Variants in CPS1 observed in about 807,000 individuals in gnomAD.
The protein encoded by CPS1 is carbamoyl-phosphate synthase 1.
Under a neutral mutation model 174.6 loss-of-function variants are expected in CPS1, and 109 were observed. The ratio of observed to expected loss-of-function variants is 0.62; its 90% confidence interval spans 0.53 to 0.73. CPS1 has a LOEUF of 0.73. Ranked by LOEUF, CPS1 falls within the 30% of genes least tolerant of loss-of-function variation. The pLI is 0.00. For missense variants in CPS1, 1,689 were observed against 1,821.9 expected, an observed-to-expected ratio of 0.93 and a Z score of 1.33; for synonymous variants, 637 against 632.0, an observed-to-expected ratio of 1.01 and a Z score of -0.12.
At chr2:210,560,252 G>T (rs946619434) in intron 1 of CPS1, among the ~76,000 whole-genome samples, 1 of 151,572 alleles carries the variant, frequency 6.6e-6, no homozygotes, top group East Asian at 1.9e-4. Context: ...TAATAAACAC[G>T]GAACCTCTAC....
At chr2:210,604,084 A>G in intron 16 of CPS1, among the ~76,000 whole-genome samples, 1 of 151,830 alleles carries the variant, frequency 6.6e-6, no homozygotes, top group East Asian at 1.9e-4. Flanking sequence ...TGATGAATTA[A>G]TCATTATTAA....
At chr2:210,555,102 A>G (rs1254212282), upstream of CPS1, among the ~76,000 whole-genome samples, 1 of 152,072 alleles carries the variant, frequency 6.6e-6, no homozygotes, top group African/African-American at 2.4e-5. Context: ...TTTAAGGCAT[A>G]CTAAGTCTCC....
Position 210,642,475 on chromosome 2 carries a change from T to G in CPS1, c.2960-9T>G. 1 of 1,613,922 alleles carries G rather than the reference T, an allele frequency of 6.2e-7. No individual in the cohort carries two copies. Among genetic ancestry groups the G allele is most frequent in the South Asian group, 1.1e-5 (1 of 91,080 alleles). On this transcript the variant is annotated splice_polypyrimidine_tract_variant and intron_variant, in intron 24 of 37. Transcript: ENST00000233072. Reference sequence around the variant, plus strand: ...CTTATCCCTTTTGCCAATCTCATTGTCTCTGCAGGCAGCAGTGTGGAATTT... The same window carrying G: ...CTTATCCCTTTTGCCAATCTCATTGGCTCTGCAGGCAGCAGTGTGGAATTT...
At chr2:210,639,608 G>A (rs539601366) in intron 23 of CPS1, among the ~76,000 whole-genome samples, 271 of 103,968 alleles carry the variant, frequency 2.6e-3, no homozygotes, top group Non-Finnish European at 2.5e-3. Flanking sequence ...GACAGAGCGA[G>A]ACTCCGTCTC....
intron 21 of CPS1, chr2:210,619,890 C>T (rs371772377): frequency 4.8e-4 from 72 of 150,706 alleles, no homozygotes; most frequent in Middle Eastern, 3.4e-3. Flanking sequence ...ACTATACCCA[C>T]GCATGGACAC....
At position 210,486,103 on chromosome 2, in the gene CPS1, TACACACACACATACACACAC is replaced by T. The variant is rs1377537753; in HGVS notation, c.3+8349_3+8368del. On this transcript the variant is annotated intron_variant, in intron 1 of 38. Transcript: ENST00000430249. ...ATGTGTATATATATACATATATATA[TACACACACACATACACACAC>T]ACACACACACACACACACACACACA... is the stretch of plus-strand genomic sequence containing the variant. 9.5e-3 allele frequency among the ~76,000 whole-genome samples: 982 copies of T among 103,914 alleles called. 7 individuals carry two copies. The highest frequency in any genetic ancestry group is 0.034 in the African/African-American group (932 of 27,470). The allele number at this position is 103,914 out of a possible 152,430, so 68.2% of individuals were successfully genotyped here. A position where few individuals can be genotyped will look rare whatever the true frequency, so the allele number is the denominator to read the frequency against.
At position 210,559,332 on chromosome 2, in the gene CPS1, G is replaced by A. The variant is rs537536825; in HGVS notation, c.126+2473G>A. Among the ~76,000 whole-genome samples the A allele has an allele frequency of 1.1e-4, 17 of 152,114 alleles. No individual in the cohort carries two copies. In the South Asian group the frequency reaches 2.1e-3, roughly 19 times the overall value. On this transcript the variant is annotated intron_variant, in intron 1 of 37. Coordinates refer to ENST00000233072, the MANE Select transcript of CPS1 (RefSeq NM_001875.5). ...GCCCTGTAAATTGGGTTGCTTTTTC[G>A]ACATATTTAGAGGTTTGCTTTTCCT...
chr2:210,628,877 A>G (rs1699775827), intron 21 of CPS1, among the ~76,000 whole-genome samples: 1 of 152,142 alleles, frequency 6.6e-6, no homozygotes, highest in African/African-American at 2.4e-5. Context: ...ATATTGAAAT[A>G]TATTTATATA....
intron 1 of CPS1, among the ~76,000 whole-genome samples, chr2:210,518,360 G>T (rs1016058263): frequency 1.3e-5 from 2 of 152,054 alleles, no homozygotes; most frequent in Non-Finnish European, 2.9e-5. Context: ...AAGAAGACCA[G>T]ATTTTTCAAG....
chr2:210,605,115 C>T lies in CPS1; in HGVS notation c.1850C>T (p.Thr617Ile), dbSNP rs762425355. The change falls in exon 17 of 38, where the codon ACC becomes ATC. Residue 617 changes from threonine to isoleucine, a missense_variant. Physicochemically the swap from Thr to Ile is moderately conservative, Grantham distance 89. Transcript: ENST00000233072. ...ACCAATTTCTAGGCCTTTGCTATGA[C>T]CAACCAAATTCTGGTGGAGAAGTCA... ...MDLSTKAFAMTNQILVEKSVT... is the reference protein window; with the variant it reads ...MDLSTKAFAMINQILVEKSVT... 1.2e-6 allele frequency: 2 copies of T among 1,611,864 alleles called. No individual in the cohort carries two copies. Among genetic ancestry groups the T allele is most frequent in the Non-Finnish European group, 1.7e-6 (2 of 1,178,616 alleles).
intron 6 of CPS1, among the ~76,000 whole-genome samples, chr2:210,586,018 G>A (rs1402530743): frequency 2.0e-5 from 3 of 151,702 alleles, no homozygotes; most frequent in East Asian, 1.9e-4. Flanking sequence ...AAGAGTTCCA[G>A]CGTGAGAGTT....
intron 1 of CPS1, among the ~76,000 whole-genome samples, chr2:210,523,276 T>A (rs777849816): frequency 1.3e-5 from 2 of 152,050 alleles, no homozygotes; most frequent in Non-Finnish European, 2.9e-5. Context: ...ACAGAGTGAG[T>A]AGTTTGTTGC....
At chr2:210,663,487 C>A (rs1161589180) in intron 33 of CPS1, among the ~76,000 whole-genome samples, 2 of 152,218 alleles carry the variant, frequency 1.3e-5, no homozygotes, top group East Asian at 3.9e-4. Flanking sequence ...TCTTCTGTGT[C>A]TTACTTTTTA....
At chr2:210,549,916 A>G (rs1696679839) in intron 1 of CPS1, among the ~76,000 whole-genome samples, 1 of 152,018 alleles carries the variant, frequency 6.6e-6, no homozygotes, top group African/African-American at 2.4e-5. Flanking sequence ...AACAATCATA[A>G]ACATTTAATG....
chr2:210,599,753 G>A (rs924939699), intron 14 of CPS1, among the ~76,000 whole-genome samples, 192 bp downstream of exon 14: 1 of 151,920 alleles, frequency 6.6e-6, no homozygotes, highest in African/African-American at 2.4e-5. Context: ...TCACAAAATA[G>A]CTGATAGACA....
intron 1 of CPS1, among the ~76,000 whole-genome samples, chr2:210,539,179 C>T (rs76237601): frequency 6.6e-6 from 1 of 152,142 alleles, no homozygotes; most frequent in African/African-American, 2.4e-5. Flanking sequence ...GAATCTGCCT[C>T]ATAGTACTGC....
At chr2:210,671,165 A>C (rs1362839051) in intron 34 of CPS1, among the ~76,000 whole-genome samples, 2 of 152,162 alleles carry the variant, frequency 1.3e-5, no homozygotes, top group African/African-American at 4.8e-5. Flanking sequence ...GATCAAGAGC[A>C]CTCACTGTGT....
intron 1 of CPS1, among the ~76,000 whole-genome samples, chr2:210,571,542 A>G (rs1281925070): frequency 6.6e-6 from 1 of 151,930 alleles, no homozygotes; most frequent in East Asian, 1.9e-4. Flanking sequence ...ACACTAACAT[A>G]GTTTTGTGTG....
Position 210,581,196 on chromosome 2 carries a change from G to A in CPS1, c.529-1421G>A, listed in dbSNP as rs1349290444. Among the ~76,000 whole-genome samples the A allele has an allele frequency of 6.6e-5, 10 of 152,056 alleles. 1 individual carries two copies. The highest frequency in any genetic ancestry group is 6.2e-4 in the South Asian group (3 of 4,822). On this transcript the variant is annotated intron_variant, in intron 5 of 37. Coordinates refer to ENST00000233072, the MANE Select transcript of CPS1 (RefSeq NM_001875.5). ...TAAGCAATGACGAGGCTATGAGGGCGGGAAAGGAATACAGTTGGGAAAATC... is the reference window on the plus strand; with the variant it reads ...TAAGCAATGACGAGGCTATGAGGGCAGGAAAGGAATACAGTTGGGAAAATC...
Sources: allele counts gnomAD v4.1 joint callset (sites outside exome capture counted in the v4.1 genomes callset), GRCh38; gene constraint gnomAD v4.1.1; transcripts MANE v1.5; gene names NCBI Gene and HGNC (gene_info 2026-07-23, HGNC 2026-07-21).